Variants in CLASP2 observed in about 807,000 individuals in gnomAD.
CLASP2 encodes CLIP-associating protein 2.
In CLASP2, 47 loss-of-function variants were observed where a neutral mutation model predicts 194.4. The observed-to-expected ratio is 0.24, with a 90% CI of 0.19 to 0.31. The LOEUF is 0.31. CLASP2 is among the 10% of genes least tolerant of loss of function. CLASP2 has a pLI of 1.00. For missense variants in CLASP2, 1,445 were observed against 1,823.6 expected, an observed-to-expected ratio of 0.79 and a Z score of 3.78; for synonymous variants, 619 against 633.5, an observed-to-expected ratio of 0.98 and a Z score of 0.34.
At chr3:33,572,936 T>C (rs1229887976) in intron 25 of CLASP2, among the ~76,000 whole-genome samples, 174 bp downstream of exon 25, 4 of 149,720 alleles carry the variant, frequency 2.7e-5, no homozygotes. Context: ...TTTTTAGTAA[T>C]GAAAGTATAG....
chr3:33,541,350 G>A (rs951508797), intron 32 of CLASP2, among the ~76,000 whole-genome samples: 1 of 152,118 alleles, frequency 6.6e-6, no homozygotes, highest in African/African-American at 2.4e-5. Context: ...AAGTTCAGGG[G>A]TATGTGTTCA....
intron 33 of CLASP2, among the ~76,000 whole-genome samples, chr3:33,536,969 T>C (rs970139860): frequency 6.6e-6 from 1 of 152,178 alleles, no homozygotes; most frequent in African/African-American, 2.4e-5. Context: ...TGAATGTGAA[T>C]GTGGAACTCA....
intron 17 of CLASP2, 99 bp from the exon 18 acceptor site, chr3:33,603,224 G>A: frequency 7.7e-7 from 1 of 1,305,092 alleles, no homozygotes; most frequent in Non-Finnish European, 1.0e-6. Flanking sequence ...GATGACAAAT[G>A]GTCAACAAAA....
intron 33 of CLASP2, among the ~76,000 whole-genome samples, chr3:33,536,830 G>A (rs1004905442): frequency 2.0e-5 from 3 of 152,190 alleles, no homozygotes; most frequent in Admixed American, 2.0e-4. Flanking sequence ...GATTTGGTAT[G>A]GAGGATGAGA....
chr3:33,611,216 T>C (rs1168015077), intron 13 of CLASP2, among the ~76,000 whole-genome samples: 4 of 152,186 alleles, frequency 2.6e-5, no homozygotes, highest in Non-Finnish European at 4.4e-5. Context: ...ACAAAAATTC[T>C]GCAAGGACAT....
intron 34 of CLASP2, among the ~76,000 whole-genome samples, chr3:33,532,608 G>A (rs1356324651): frequency 6.6e-6 from 1 of 152,188 alleles, no homozygotes; most frequent in East Asian, 1.9e-4. Context: ...GGGTTTTAAG[G>A]ATTAGGTGGT....
At chr3:33,690,490 T>C (rs934966470) in intron 2 of CLASP2, among the ~76,000 whole-genome samples, 1 of 152,172 alleles carries the variant, frequency 6.6e-6, no homozygotes, top group African/African-American at 2.4e-5. Flanking sequence ...TTCTATAATA[T>C]GCCACCTACT....
In CLASP2 at chr3:33,632,361, C is replaced by T. The variant is rs778770797; in HGVS notation, c.873G>A (p.Lys291=). The T allele has an allele frequency of 8.1e-6, 13 of 1,597,600 alleles. No homozygotes were observed. Among genetic ancestry groups the T allele is most frequent in the East Asian group, 6.8e-5 (3 of 44,350 alleles). ...CATCAACTGCTCCAGCACCTCCTTC[C>T]TTAGAAGCACCTGCTAATTAAAAGG... The part of the protein sequence containing the change: ...AGGPKVGGAS[K]EGGAGAVDED... Residue 291 remains lysine, a synonymous_variant, in exon 9 of 39, where the codon AAG becomes AAA. Coordinates refer to ENST00000682230, the MANE Select transcript of CLASP2 (RefSeq NM_001365631.1).
At chr3:33,551,504 A>C (rs1490234693) in intron 29 of CLASP2, 109 bp from the exon 30 acceptor site, 5 of 1,076,242 alleles carry the variant, frequency 4.6e-6, no homozygotes, top group Non-Finnish European at 6.5e-6. Context: ...TTTTATATAC[A>C]GATAGGGTCT....
rs763161081 is a variant in CLASP2, at chr3:33,687,071, A to G, written c.535T>C (p.Ser179Pro). Residue 179 changes from serine to proline, a missense_variant, in exon 5 of 39, where the codon TCC (serine) becomes CCC (proline). Transcript: ENST00000682230. ...AAATAAAATTTTACCTGACTGTTGGAGTCTCCAAACAGGATACACAAATGT... is the reference window on the plus strand; with the variant it reads ...AAATAAAATTTTACCTGACTGTTGGGGTCTCCAAACAGGATACACAAATGT... ...IPHLCILFGDSNSQVRDAAIL... is the reference protein window; with the variant it reads ...IPHLCILFGDPNSQVRDAAIL... The G allele has an allele frequency of 6.3e-7, 1 of 1,588,698 alleles. No individual in the cohort carries two copies. Among genetic ancestry groups the G allele is most frequent in the Non-Finnish European group, 8.6e-7 (1 of 1,166,312 alleles).
chr3:33,598,848 T>G (rs2071222123), intron 18 of CLASP2, among the ~76,000 whole-genome samples: 1 of 152,208 alleles, frequency 6.6e-6, no homozygotes, highest in Non-Finnish European at 1.5e-5. Context: ...TACTCAAACA[T>G]CAAGGTTACC....
chr3:33,679,519 G>A (rs2089430534), intron 6 of CLASP2, among the ~76,000 whole-genome samples: 3 of 152,050 alleles, frequency 2.0e-5, no homozygotes, highest in Admixed American at 2.0e-4. Context: ...AATAAAAAAA[G>A]AACTCTTAAA....
intron 12 of CLASP2, 71 bp downstream of exon 12, chr3:33,619,531 GA>G: frequency 4.4e-6 from 6 of 1,378,346 alleles, no homozygotes; most frequent in African/African-American, 1.6e-5. Flanking sequence ...GGAAAGGAGA[GA>G]AAAAGGGGGA....
chr3:33,502,066 C>G, intron 37 of CLASP2: 1 of 246,510 alleles, frequency 4.1e-6, no homozygotes. Flanking sequence ...AAAAAAGTCT[C>G]CAGACTAACT....
chr3:33,498,746 T>C (rs893538119), intron 38 of CLASP2, 29 bp from the exon 39 acceptor site: 4 of 1,436,368 alleles, frequency 2.8e-6, no homozygotes, highest in African/African-American at 2.8e-5. Context: ...TAAATGTCAT[T>C]TGAGCAAGCT....
At chr3:33,548,575 GT>G (rs933014829) in intron 30 of CLASP2, among the ~76,000 whole-genome samples, 1 of 152,136 alleles carries the variant, frequency 6.6e-6, no homozygotes, top group African/African-American at 2.4e-5. Flanking sequence ...AATTACAGGC[GT>G]TAGCCACTGT....
In CLASP2 at chr3:33,604,147, A is replaced by C. The variant is rs777568072; in HGVS notation, c.1750+7T>G. On this transcript the variant is annotated splice_region_variant and intron_variant, in intron 17 of 38. Transcript: ENST00000682230. ...AGGTTATAACTCTTATTTAAAGAGA[A>C]AATTACCTCTTCCAGCCACAGTTGA... The C allele has an allele frequency of 6.5e-7, 1 of 1,549,244 alleles. No homozygotes were observed. Among genetic ancestry groups the C allele is most frequent in the Non-Finnish European group, 8.7e-7 (1 of 1,143,558 alleles).
chr3:33,643,164 C>T (rs1351064442), intron 8 of CLASP2, among the ~76,000 whole-genome samples: 1 of 151,718 alleles, frequency 6.6e-6, no homozygotes, highest in Non-Finnish European at 1.5e-5. Flanking sequence ...AGGTAAATTT[C>T]AATTTTCTTC....
chr3:33,586,636 A>G (rs1311472756), intron 21 of CLASP2, among the ~76,000 whole-genome samples: 2 of 152,204 alleles, frequency 1.3e-5, no homozygotes, highest in African/African-American at 4.8e-5. Flanking sequence ...GTTGAATAGA[A>G]AAAGTACTAG....
Sources: allele counts gnomAD v4.1 joint callset (sites outside exome capture counted in the v4.1 genomes callset), GRCh38; gene constraint gnomAD v4.1.1; transcripts MANE v1.5; gene names NCBI Gene and HGNC (gene_info 2026-07-23, HGNC 2026-07-21).